The following LMF2 variants were observed in gnomAD, a reference collection of about 807,000 sequenced individuals.
LMF2 encodes transmembrane protein 112B.
In LMF2, 113 loss-of-function variants were observed where a neutral mutation model predicts 81.5. The observed-to-expected ratio is 1.39, with a 90% CI of 1.19 to 1.62. LMF2 has a LOEUF of 1.62. Ranked by LOEUF, LMF2 falls within the 40% of genes most tolerant of loss-of-function variation. LMF2 has a pLI of 0.00. For synonymous variants in LMF2, 645 were observed against 424.5 expected, an observed-to-expected ratio of 1.52 and a Z score of -6.39; for missense variants, 1,235 against 929.1, an observed-to-expected ratio of 1.33 and a Z score of -4.28.
chr22:50,503,297 C>G lies in LMF2; in HGVS notation c.*94G>C. 7.3e-7 allele frequency: 1 copy of G among 1,364,962 alleles called. No homozygotes were observed. The highest frequency in any genetic ancestry group is 1.3e-5 in the South Asian group (1 of 77,606). 84.6% of individuals were successfully genotyped at this position (1,364,962 alleles called of 1,614,324 possible). A position where few individuals can be genotyped will look rare whatever the true frequency, so the allele number is the denominator to read the frequency against. On this transcript the variant is annotated 3_prime_UTR_variant, in exon 14 of 14. Coordinates refer to ENST00000474879, the MANE Select transcript of LMF2 (RefSeq NM_033200.3). ...CAACCTGTGCCTGGCCCTGCAGGGTCAGCTAAGGCACAGTGGCTGGGTCCT... is the reference window on the plus strand; with the variant it reads ...CAACCTGTGCCTGGCCCTGCAGGGTGAGCTAAGGCACAGTGGCTGGGTCCT...
intron 1 of LMF2, 27 bp from the exon 2 acceptor site, chr22:50,507,062 C>T (rs770826287): frequency 1.9e-6 from 3 of 1,566,352 alleles, no homozygotes; most frequent in South Asian, 2.3e-5. Flanking sequence ...CATGGCCAGG[C>T]CCTGGACAGC....
At position 50,503,842 on chromosome 22, in the gene LMF2, G is replaced by T. The variant is rs143363806; in HGVS notation, c.1781C>A (p.Thr594Lys). Residue 594 changes from threonine to lysine, a missense_variant, in exon 13 of 14, where the codon ACG becomes AAG. Thr to Lys is a moderately conservative substitution (Grantham distance 78, BLOSUM62 -1). Coordinates refer to ENST00000474879, the MANE Select transcript of LMF2 (RefSeq NM_033200.3). ...FFPSVSLGDP[T>K]LETLLRQFGL... The stretch of plus-strand genomic sequence containing the variant: ...AAACTGCCTGAGCAGCGTCTCCAGC[G>T]TGGGGTCCCCCAGGGACACGGATGG... 23 of 1,606,042 alleles carry T rather than the reference G, an allele frequency of 1.4e-5. No individual in the cohort carries two copies. The highest frequency in any genetic ancestry group is 1.7e-5 in the Non-Finnish European group (20 of 1,179,452).
chr22:50,503,308 C>T lies in LMF2; in HGVS notation c.*83G>A, dbSNP rs745635989. The T allele has an allele frequency of 7.5e-6, 11 of 1,461,022 alleles. No individual in the cohort carries two copies. The highest frequency in any genetic ancestry group is 1.0e-5 in the Non-Finnish European group (11 of 1,070,584). The allele number at this position is 1,461,022 out of a possible 1,614,324, so 90.5% of individuals were successfully genotyped here. On this transcript the variant is annotated 3_prime_UTR_variant, in exon 14 of 14. Transcript: ENST00000474879. ...TGGCCCTGCAGGGTCAGCTAAGGCACAGTGGCTGGGTCCTGTCCTGCCGGA... is the reference window on the plus strand; with the variant it reads ...TGGCCCTGCAGGGTCAGCTAAGGCATAGTGGCTGGGTCCTGTCCTGCCGGA...
chr22:50,506,846 A>C lies in LMF2; in HGVS notation c.284T>G (p.Leu95Arg), dbSNP rs2068594560. The C allele has an allele frequency of 2.5e-6, 4 of 1,599,032 alleles. No homozygotes were observed. The highest frequency in any genetic ancestry group is 3.4e-6 in the Non-Finnish European group (4 of 1,172,996). Residue 95 changes from leucine to arginine, a missense_variant, in exon 2 of 14, where the codon CTG becomes CGG. Leu to Arg is a moderately radical substitution (Grantham distance 102, BLOSUM62 -2). Coordinates refer to ENST00000474879, the MANE Select transcript of LMF2 (RefSeq NM_033200.3). ...GALVALGALL[L>R]SPLRHPVIYL... ...GATGACAGGGTGGCGCAGTGGGCTCAGCAGCAGGGCTCCCAGGGCCACTAG... is the reference window on the plus strand; with the variant it reads ...GATGACAGGGTGGCGCAGTGGGCTCCGCAGCAGGGCTCCCAGGGCCACTAG...
chr22:50,504,970 G>A lies in LMF2; in HGVS notation c.1269C>T (p.Tyr423=), dbSNP rs770345434. Residue 423 remains tyrosine (Y), a synonymous_variant, in exon 10 of 14, where the codon TAC becomes TAT. Transcript: ENST00000474879. ...LFLISLVPYS[Y]VEPGTHGRLW... ...GGCGCCCGTGGGTCCCGGGCTCCAC[G>A]TAGGAGTACGGCACCTGGAGACAGG... 1.2e-4 allele frequency: 189 copies of A among 1,609,304 alleles called. No individual in the cohort carries two copies. The highest frequency in any genetic ancestry group is 1.4e-4 in the Non-Finnish European group (164 of 1,177,458).
Position 50,507,693 on chromosome 22 carries a change from C to T in LMF2, c.-18G>A, listed in dbSNP as rs777873116. 19 of 1,543,086 alleles carry T rather than the reference C, an allele frequency of 1.2e-5. No homozygotes were observed. In the East Asian group the frequency reaches 3.9e-4, roughly 32 times the overall value. On this transcript the variant is annotated 5_prime_UTR_variant, in exon 1 of 14. Transcript: ENST00000474879. The stretch of plus-strand genomic sequence containing the variant: ...CCCGCCATGTCCGCTACGCGGCCCG[C>T]TAGAGCAGGGCCCGCCCTCCGCGTC...
chr22:50,504,421 C>T lies in LMF2; in HGVS notation c.1637G>A (p.Arg546Lys), dbSNP rs931130532. 6.2e-7 allele frequency: 1 copy of T among 1,612,292 alleles called. No individual in the cohort carries two copies. The highest frequency in any genetic ancestry group is 1.1e-5 in the South Asian group (1 of 91,076). The part of the protein sequence containing the change: ...VIRLVQSQVA[R>K]YPFHKQPPTY... ...GGGCGGCTGCTTGTGGAAGGGATAC[C>T]TGGCCACTTGGCTCTGGACAAGGCG... is the stretch of plus-strand genomic sequence containing the variant. The change falls in exon 12 of 14, where the codon AGG (arginine) becomes AAG (lysine). Residue 546 changes from arginine to lysine, a missense_variant. By Grantham distance (26) the Arg-to-Lys change is conservative. Coordinates refer to ENST00000474879, the MANE Select transcript of LMF2 (RefSeq NM_033200.3).
chr22:50,503,781 C>T (rs372740141), intron 13 of LMF2, 27 bp downstream of exon 13: 79 of 1,597,624 alleles, frequency 4.9e-5, no homozygotes, highest in Non-Finnish European at 6.1e-5. Flanking sequence ...CCTGCCACCT[C>T]CCCCAGCCTG....
chr22:50,505,588 T>C (rs748314717), intron 6 of LMF2, 51 bp from the exon 7 acceptor site: 3 of 1,611,610 alleles, frequency 1.9e-6, no homozygotes, highest in East Asian at 4.5e-5. Context: ...GCCAGGGGGC[T>C]GGGGTGCAGC....
At position 50,507,034 on chromosome 22, in the gene LMF2, G is replaced by A; in HGVS notation, c.96C>T (p.Gly32=). The change falls in exon 2 of 14, where the codon GGC becomes GGT. Residue 32 remains glycine, a splice_region_variant and synonymous_variant. Transcript: ENST00000474879. ...GTAGGATGCCCTCGGGGCCATACAGGCCTGTGGGAGGGCATGTCATGGCCA... is the reference window on the plus strand; with the variant it reads ...GTAGGATGCCCTCGGGGCCATACAGACCTGTGGGAGGGCATGTCATGGCCA... ...AFASLYTQIP[G]LYGPEGILPA... The A allele has an allele frequency of 1.3e-6, 2 of 1,589,414 alleles. No individual in the cohort carries two copies. Among genetic ancestry groups the A allele is most frequent in the Non-Finnish European group, 1.7e-6 (2 of 1,174,518 alleles).
Position 50,507,699 on chromosome 22 carries a change from C to T in LMF2, c.-24G>A, listed in dbSNP as rs753913024. The T allele has an allele frequency of 2.0e-6, 3 of 1,534,716 alleles. No homozygotes were observed. Among genetic ancestry groups the T allele is most frequent in the Non-Finnish European group, 1.8e-6 (2 of 1,137,528 alleles). ...ATGTCCGCTACGCGGCCCGCTAGAG[C>T]AGGGCCCGCCCTCCGCGTCCGCCCG... is the stretch of plus-strand genomic sequence containing the variant. On this transcript the variant is annotated 5_prime_UTR_variant, in exon 1 of 14. Coordinates refer to ENST00000474879, the MANE Select transcript of LMF2 (RefSeq NM_033200.3).
rs1222393992 is a variant in LMF2, at chr22:50,503,851, C to G, written c.1772G>C (p.Gly591Ala). The change falls in exon 13 of 14, where the codon GGG becomes GCG. Residue 591 changes from glycine to alanine, a missense_variant. Coordinates refer to ENST00000474879, the MANE Select transcript of LMF2 (RefSeq NM_033200.3). ...VEEFFPSVSL[G>A]DPTLETLLRQ... is the part of the protein sequence containing the mutation. ...GAGCAGCGTCTCCAGCGTGGGGTCC[C>G]CCAGGGACACGGATGGGAAGAACTC... 2.5e-6 allele frequency: 4 copies of G among 1,606,250 alleles called. No homozygotes were observed. The highest frequency in any genetic ancestry group is 3.4e-6 in the Non-Finnish European group (4 of 1,179,482).
At chr22:50,504,774 C>T in intron 10 of LMF2, 28 bp downstream of exon 10, 1 of 1,603,980 alleles carries the variant, frequency 6.2e-7, no homozygotes, top group Non-Finnish European at 8.5e-7. Context: ...CTGGGCCCCA[C>T]CACCCTGCCC....
chr22:50,506,756 G>C, intron 2 of LMF2, 26 bp downstream of exon 2: 1 of 1,612,592 alleles, frequency 6.2e-7, no homozygotes. Flanking sequence ...TGGAGATAGA[G>C]TGAGCTGGTC....
chr22:50,504,495 GCCCCT>G, intron 11 of LMF2, 44 bp from the exon 12 acceptor site: 8 of 1,339,534 alleles, frequency 6.0e-6, no homozygotes, highest in East Asian at 2.5e-5. Context: ...TACCCGCCCT[GCCCCT>G]CCCCTCCCCA....
chr22:50,503,769 C>T (rs777901094), intron 13 of LMF2, 39 bp downstream of exon 13: 68 of 1,595,146 alleles, frequency 4.3e-5, no homozygotes, highest in Non-Finnish European at 3.1e-5. Flanking sequence ...GCTGGGGTCA[C>T]CCCTGCCACC....
At chr22:50,506,700 G>C (rs762950108) in intron 2 of LMF2, 34 bp from the exon 3 acceptor site, 1 of 1,613,686 alleles carries the variant, frequency 6.2e-7, no homozygotes, top group Admixed American at 1.7e-5. Flanking sequence ...GAGCGGGTGT[G>C]TCTGTGGACT....
rs1209645271 is a variant in LMF2, at chr22:50,505,803, C to A, written c.787G>T (p.Val263Phe). ...AAFYSQVLLQ[V>F]LIIITGNYNF... is the part of the protein sequence containing the mutation. ...TAGTTGCCGGTGATGATAATCAGGACCTGCAGCAGCACCTGGGGGCGGCCC... is the reference window on the plus strand; with the variant it reads ...TAGTTGCCGGTGATGATAATCAGGAACTGCAGCAGCACCTGGGGGCGGCCC... Residue 263 changes from valine (V) to phenylalanine (F), a missense_variant, in exon 6 of 14, where the codon GTC becomes TTC. By Grantham distance (50) the Val-to-Phe change is conservative. Transcript: ENST00000474879. 1 of 1,613,030 alleles carries A rather than the reference C, an allele frequency of 6.2e-7. No homozygotes were observed. Among genetic ancestry groups the A allele is most frequent in the East Asian group, 2.2e-5 (1 of 44,884 alleles).
chr22:50,504,531 C>T (rs1182246272), intron 11 of LMF2, 28 bp downstream of exon 11: 2 of 1,532,808 alleles, frequency 1.3e-6, no homozygotes, highest in Admixed American at 3.9e-5. Flanking sequence ...CCCCAGCCCA[C>T]TCCACACCCC....
Sources: gnomAD v4.1 joint callset for allele counts on GRCh38, gnomAD v4.1.1 for gene constraint, MANE v1.5 for transcripts, NCBI Gene and HGNC (gene_info 2026-07-23, HGNC 2026-07-21) for gene names.